ADGRL3: variants seen among roughly 807,000 people sequenced by gnomAD.
ADGRL3 encodes adhesion G protein-coupled receptor L3.
ADGRL3 carries 62 observed loss-of-function variants against 153.5 expected under a neutral mutation model. The ratio of observed to expected loss-of-function variants is 0.40; its 90% CI spans 0.33 to 0.50. ADGRL3 has a LOEUF of 0.50. Among genes scored for constraint, ADGRL3 ranks in the 20% least tolerant of loss-of-function variants. ADGRL3 has a pLI of 0.47. For synonymous variants in ADGRL3, 710 were observed against 672.5 expected (o/e 1.06, Z -0.86); for missense variants, 1,641 against 1,859.4 (o/e 0.88, Z 2.16).
intron 11 of ADGRL3, among the ~76,000 whole-genome samples, chr4:61,904,925 C>CT (rs1255544539): frequency 2.0e-5 from 3 of 152,104 alleles, no homozygotes; most frequent in Non-Finnish European, 2.9e-5. Flanking sequence ...CCATCAAACT[C>CT]TGACTTTTTT....
intron 5 of ADGRL3, among the ~76,000 whole-genome samples, chr4:61,595,475 T>C (rs1463538380): frequency 1.3e-5 from 2 of 151,986 alleles, no homozygotes; most frequent in Non-Finnish European, 2.9e-5. Context: ...TGGCCTGGAA[T>C]GGGGGCCTTA....
chr4:61,562,698 C>T (rs1270611766), intron 4 of ADGRL3, among the ~76,000 whole-genome samples: 4 of 152,084 alleles, frequency 2.6e-5, no homozygotes, highest in Non-Finnish European at 4.4e-5. Flanking sequence ...TCTTGCTATT[C>T]GAACCACAAA....
At chr4:61,928,200 A>AGTATAAAT (rs1341572276) in intron 13 of ADGRL3, among the ~76,000 whole-genome samples, 2 of 152,110 alleles carry the variant, frequency 1.3e-5, no homozygotes, top group African/African-American at 4.8e-5. Flanking sequence ...GCAATTCATT[A>AGTATAAAT]GTATAAATGT....
chr4:61,346,336 C>G (rs992680991), intron 1 of ADGRL3, among the ~76,000 whole-genome samples: 1 of 151,658 alleles, frequency 6.6e-6, no homozygotes, highest in African/African-American at 2.4e-5. Context: ...CACACACACA[C>G]ACACACAGCT....
chr4:61,594,334 C>T (rs2098980772), intron 5 of ADGRL3, among the ~76,000 whole-genome samples: 1 of 152,006 alleles, frequency 6.6e-6, no homozygotes, highest in African/African-American at 2.4e-5. Flanking sequence ...TGATGAGGTC[C>T]TGTTTTCCTG....
At chr4:61,832,812 C>CTTTTTTT (rs11340246) in intron 9 of ADGRL3, among the ~76,000 whole-genome samples, 1 of 137,042 alleles carries the variant, frequency 7.3e-6, no homozygotes, top group Non-Finnish European at 1.6e-5. Context: ...TTTTCTTTTT[C>CTTTTTTT]TTTTTTTTTT....
intron 8 of ADGRL3, among the ~76,000 whole-genome samples, chr4:61,808,229 A>C (rs2097571965): frequency 6.6e-6 from 1 of 152,174 alleles, no homozygotes; most frequent in Non-Finnish European, 1.5e-5. Flanking sequence ...CAATAGAGGG[A>C]CAGTGTTATC....
At chr4:61,278,300 A>C (rs1278652569) in intron 1 of ADGRL3, among the ~76,000 whole-genome samples, 1 of 152,112 alleles carries the variant, frequency 6.6e-6, no homozygotes, top group South Asian at 2.1e-4. Context: ...TTTTTCCTCA[A>C]GGGAATTTTC....
At chr4:61,824,195 A>G (rs754822646) in intron 9 of ADGRL3, among the ~76,000 whole-genome samples, 1 of 152,204 alleles carries the variant, frequency 6.6e-6, no homozygotes, top group African/African-American at 2.4e-5. Flanking sequence ...TGACACAAGT[A>G]GTTTGAAGAC....
intron 9 of ADGRL3, among the ~76,000 whole-genome samples, chr4:61,826,122 A>G (rs1254227985): frequency 7.1e-6 from 1 of 141,010 alleles, no homozygotes; most frequent in Non-Finnish European, 1.7e-5. Context: ...AGATTTGGAC[A>G]ATAAAAAAAT....
chr4:61,889,757 C>T (rs1269718638), intron 9 of ADGRL3, among the ~76,000 whole-genome samples: 3 of 152,040 alleles, frequency 2.0e-5, no homozygotes, highest in African/African-American at 7.2e-5. Flanking sequence ...AAGCAAAAAT[C>T]TTGTGGTGGT....
chr4:61,502,047 A>G (rs899090031), intron 3 of ADGRL3, among the ~76,000 whole-genome samples: 2 of 152,108 alleles, frequency 1.3e-5, no homozygotes, highest in Admixed American at 6.6e-5. Context: ...GCTCTGTACT[A>G]CTGTAGTGTT....
chr4:61,207,295 A>T (rs2148788758), intron 1 of ADGRL3, among the ~76,000 whole-genome samples: 1 of 152,142 alleles, frequency 6.6e-6, no homozygotes, highest in African/African-American at 2.4e-5. Context: ...GAGAACATGT[A>T]GTGTTTGGTT....
chr4:61,932,325 C>G (rs2150114616), intron 13 of ADGRL3, among the ~76,000 whole-genome samples: 1 of 152,206 alleles, frequency 6.6e-6, no homozygotes, highest in South Asian at 2.1e-4. Context: ...AGCTTTTATA[C>G]ATGGCCTTTA....
intron 1 of ADGRL3, among the ~76,000 whole-genome samples, chr4:61,370,544 G>T (rs1483726088): frequency 2.0e-5 from 3 of 152,206 alleles, no homozygotes; most frequent in Non-Finnish European, 4.4e-5. Context: ...GTGGTTTTGA[G>T]TGAGGTTCTT....
chr4:61,407,983 AAT>A (rs2097025279), intron 2 of ADGRL3, among the ~76,000 whole-genome samples: 1 of 152,128 alleles, frequency 6.6e-6, no homozygotes, highest in Admixed American at 6.6e-5. Context: ...CAGCTATCTA[AAT>A]ACATATGTTA....
intron 9 of ADGRL3, among the ~76,000 whole-genome samples, chr4:61,856,988 CTTT>C (rs1561368175): frequency 3.6e-4 from 43 of 118,406 alleles, no homozygotes; most frequent in African/African-American, 1.4e-3. Context: ...TTCTTTCTTT[CTTT>C]CTTTCTTTCT....
At chr4:61,884,650 A>C in intron 9 of ADGRL3, among the ~76,000 whole-genome samples, 1 of 151,832 alleles carries the variant, frequency 6.6e-6, no homozygotes, top group Admixed American at 6.6e-5. Context: ...TTTGAGATGG[A>C]GTCTCGCTCT....
At chr4:61,479,802 CTT>C (rs2098112860) in intron 2 of ADGRL3, among the ~76,000 whole-genome samples, 1 of 151,888 alleles carries the variant, frequency 6.6e-6, no homozygotes, top group Non-Finnish European at 1.5e-5. Context: ...GGTTCTCTCT[CTT>C]TTTTTATTAG....
Sources: allele counts gnomAD v4.1 joint callset (sites outside exome capture counted in the v4.1 genomes callset), GRCh38; gene constraint gnomAD v4.1.1; transcripts MANE v1.5; gene names NCBI Gene and HGNC (gene_info 2026-07-23, HGNC 2026-07-21).